C17orf99: variants seen among roughly 807,000 people sequenced by gnomAD.
The protein encoded by C17orf99 is protein IL-40.
In C17orf99, 18 loss-of-function variants were observed where a neutral mutation model predicts 22.6. The ratio of observed to expected loss-of-function variants is 0.80; its 90% CI spans 0.55 to 1.18. The LOEUF (loss-of-function observed/expected upper bound fraction) is 1.18. Among genes scored for constraint, C17orf99 ranks in the 50% most tolerant of loss-of-function variants. C17orf99 has a pLI of 0.00. For synonymous variants in C17orf99, 147 were observed against 136.6 expected, an observed-to-expected ratio of 1.08 and a Z score of -0.53; for missense variants, 328 against 342.7, an observed-to-expected ratio of 0.96 and a Z score of 0.34.
chr17:78,151,230 G>C (rs2075480044), intron 2 of C17orf99, among the ~76,000 whole-genome samples: 1 of 151,862 alleles, frequency 6.6e-6, no homozygotes, highest in Non-Finnish European at 1.5e-5. Context: ...TTCCAGACCA[G>C]CCTGGCCAAC....
chr17:78,150,527 T>C (rs189076921), intron 2 of C17orf99, among the ~76,000 whole-genome samples: 130 of 152,090 alleles, frequency 8.5e-4, no homozygotes, highest in African/African-American at 3.1e-3. Flanking sequence ...GAGGGATAGG[T>C]GTTGGTAGAT....
Position 78,164,140 on chromosome 17 carries a change from G to C in C17orf99, c.416G>C (p.Gly139Ala). Residue 139 changes from glycine to alanine, a missense_variant, in exon 4 of 5, where the codon GGG (glycine) becomes GCG (alanine). Transcript: ENST00000340363. ...LRANFTLQDR[G>A]AGPRVEMICQ... The stretch of plus-strand genomic sequence containing the variant: ...GCCAACTTCACTCTGCAGGACAGAG[G>C]GGCAGGCCCCAGGGTGGAGATGATC... 6.4e-7 allele frequency: 1 copy of C among 1,551,688 alleles called. No homozygotes were observed. The highest frequency in any genetic ancestry group is 2.4e-5 in the East Asian group (1 of 40,920).
In C17orf99 at chr17:78,156,332, G is replaced by GAAA. The variant is rs769438256; in HGVS notation, c.71-4603_71-4601dup. ...GTGACAGAGCAAAACTCCTTCTCCA[G>GAAA]AAAAAAAAAAAAAAAAAAAAAAGAA... On this transcript the variant is annotated intron_variant, in intron 2 of 4. Transcript: ENST00000340363. Among the ~76,000 whole-genome samples the GAAA allele has an allele frequency of 2.4e-3, 148 of 62,738 alleles. 1 individual carries two copies. Among genetic ancestry groups the GAAA allele is most frequent in the Non-Finnish European group, 2.8e-3 (87 of 31,442 alleles). 41.2% of individuals were successfully genotyped at this position (62,738 alleles called of 152,430 possible).
intron 2 of C17orf99, among the ~76,000 whole-genome samples, chr17:78,151,926 G>A (rs2075487054): frequency 6.6e-6 from 1 of 152,084 alleles, no homozygotes; most frequent in Non-Finnish European, 1.5e-5. Flanking sequence ...GCTTCCTGTT[G>A]TCACAGAGAC....
chr17:78,153,509 GT>G (rs1010455799), intron 2 of C17orf99, among the ~76,000 whole-genome samples: 1 of 151,884 alleles, frequency 6.6e-6, no homozygotes, highest in African/African-American at 2.4e-5. Context: ...AAAAGTGAAT[GT>G]CCCTGGTACA....
rs1393310901 is a variant in C17orf99, at chr17:78,166,074, G to T, written c.*28G>T. On this transcript the variant is annotated 3_prime_UTR_variant, in exon 5 of 5. Transcript: ENST00000340363. ...TGAACCGTCCAGAGAGCCAAGCACGGCAGAGGACTGCAGGCCATCAGCGTG... is the reference window on the plus strand; with the variant it reads ...TGAACCGTCCAGAGAGCCAAGCACGTCAGAGGACTGCAGGCCATCAGCGTG... The T allele has an allele frequency of 1.2e-5, 10 of 862,640 alleles. No homozygotes were observed. The South Asian group carries it at 3.0e-4, about 26-fold the overall frequency. The allele number at this position is 862,640 out of a possible 1,614,324, so 53.4% of individuals were successfully genotyped here.
chr17:78,161,861 C>T (rs1035631301), intron 3 of C17orf99, among the ~76,000 whole-genome samples: 5 of 150,320 alleles, frequency 3.3e-5, no homozygotes, highest in Admixed American at 6.6e-5. Flanking sequence ...GAAAAAGAAA[C>T]GAAAAAAAAG....
chr17:78,161,439 C>T (rs2075575941), intron 3 of C17orf99, among the ~76,000 whole-genome samples, 185 bp downstream of exon 3: 1 of 152,214 alleles, frequency 6.6e-6, no homozygotes. Flanking sequence ...TCAGGACTTG[C>T]TGTCCCTGGC....
intron 2 of C17orf99, chr17:78,158,116 G>C: frequency 1.2e-6 from 1 of 866,146 alleles, no homozygotes; most frequent in South Asian, 1.3e-5. Context: ...AAGAGACTGA[G>C]CAGAAGTACA....
At chr17:78,151,058 G>A (rs184870868) in intron 2 of C17orf99, among the ~76,000 whole-genome samples, 1 of 151,946 alleles carries the variant, frequency 6.6e-6, no homozygotes, top group African/African-American at 2.4e-5. Flanking sequence ...GGGAGGCGGA[G>A]GTTGCAGTGA....
At chr17:78,147,019 GGTGT>G (rs2075442716) in intron 2 of C17orf99, 108 bp downstream of exon 2, 1 of 924,328 alleles carries the variant, frequency 1.1e-6, no homozygotes, top group Admixed American at 2.0e-5. Flanking sequence ...CTAGTGGGGA[GGTGT>G]GTGCTGGAGG....
chr17:78,163,871 A>G (rs1007744639), intron 3 of C17orf99, among the ~76,000 whole-genome samples: 1 of 152,258 alleles, frequency 6.6e-6, no homozygotes, highest in African/African-American at 2.4e-5. Flanking sequence ...GTCTCAAAAT[A>G]AAGTAAGAAT....
At position 78,146,397 on chromosome 17, in the gene C17orf99, C is replaced by A. The variant is rs995209446; in HGVS notation, c.-11C>A. 9 of 1,550,034 alleles carry A rather than the reference C, an allele frequency of 5.8e-6. No individual in the cohort carries two copies. The highest frequency in any genetic ancestry group is 7.8e-6 in the Non-Finnish European group (9 of 1,146,804). ...TCACTGCCCGAGCAGAGGCCCTACACCCACCGAGGCATGGGGCTCCCTGGG... is the reference window on the plus strand; with the variant it reads ...TCACTGCCCGAGCAGAGGCCCTACAACCACCGAGGCATGGGGCTCCCTGGG... On this transcript the variant is annotated 5_prime_UTR_variant, in exon 1 of 5. Coordinates refer to ENST00000340363, the MANE Select transcript of C17orf99 (RefSeq NM_001163075.2). This position sits in a 1 kb window ranked among gnomAD's most constrained non-coding sequence, Gnocchi z 5.2.
At chr17:78,162,849 G>A (rs1036176184) in intron 3 of C17orf99, among the ~76,000 whole-genome samples, 2 of 152,220 alleles carry the variant, frequency 1.3e-5, no homozygotes, top group South Asian at 2.1e-4. Context: ...GCAGTGGCAC[G>A]ATCTCGGCTC....
chr17:78,153,382 G>A (rs1334332230), intron 2 of C17orf99, among the ~76,000 whole-genome samples: 3 of 152,108 alleles, frequency 2.0e-5, no homozygotes, highest in Non-Finnish European at 4.4e-5. Flanking sequence ...CTACTCGGGA[G>A]GCTGAGGCAG....
At chr17:78,151,188 G>A (rs2075479552) in intron 2 of C17orf99, among the ~76,000 whole-genome samples, 1 of 151,660 alleles carries the variant, frequency 6.6e-6, no homozygotes, top group South Asian at 2.1e-4. Context: ...ACTTTGGGAG[G>A]CCGAGGTGGG....
intron 2 of C17orf99, among the ~76,000 whole-genome samples, chr17:78,152,636 AT>A (rs111755912): frequency 0.45 from 64,278 of 142,064 alleles, 16,108 homozygotes; most frequent in African/African-American, 0.68. Context: ...CACCCAGCCA[AT>A]TTTTTTTTTT....
rs757775338 is a variant in C17orf99, at chr17:78,164,253, A to T, written c.529A>T (p.Arg177Trp). ...QVHLQQRPCH[R>W]QPANFSFLPS... is the part of the protein sequence containing the mutation. ...CCACCTGCAGCAGAGACCATGCCAC[A>T]GGCAGCCTGCCAACTTCTCCTTCCT... Residue 177 changes from arginine to tryptophan, a missense_variant, in exon 4 of 5, where the codon AGG (arginine) becomes TGG (tryptophan). Physicochemically the swap from Arg to Trp is moderately radical, Grantham distance 101. Coordinates refer to ENST00000340363, the MANE Select transcript of C17orf99 (RefSeq NM_001163075.2). 1.1e-5 allele frequency: 17 copies of T among 1,551,524 alleles called. No individual in the cohort carries two copies. The African/African-American group carries it at 1.5e-4, about 14-fold the overall frequency.
At position 78,161,718 on chromosome 17, in the gene C17orf99, C is replaced by T. The variant is rs1598951916; in HGVS notation, c.370+464C>T. On this transcript the variant is annotated intron_variant, in intron 3 of 4. Transcript: ENST00000340363. ...GATTAGCTGGGCGTGGCGGGGTGCA[C>T]CTGTAGTTCCAGCTACTCAGGAGGC... 3.9e-5 allele frequency among the ~76,000 whole-genome samples: 6 copies of T among 151,996 alleles called. 2 individuals are homozygous for T. Among genetic ancestry groups the T allele is most frequent in the African/African-American group, 1.4e-4 (6 of 41,432 alleles).
Sources: allele counts gnomAD v4.1 joint callset (sites outside exome capture counted in the v4.1 genomes callset), GRCh38; gene constraint gnomAD v4.1.1; non-coding constraint Gnocchi (gnomAD v3.1); transcripts MANE v1.5; gene names NCBI Gene and HGNC (gene_info 2026-07-23, HGNC 2026-07-21).